The following UBE2L3 variants were observed in gnomAD, a reference collection of about 807,000 sequenced individuals.
UBE2L3 encodes the protein ubiquitin conjugating enzyme E2 L3.
UBE2L3 carries 1 observed loss-of-function variant against 17.8 expected under a neutral mutation model. The ratio of observed to expected loss-of-function variants is 0.06; its 90% CI spans 0.02 to 0.27. The LOEUF (loss-of-function observed/expected upper bound fraction) is 0.27, where lower values mean the gene tolerates loss of function less well. UBE2L3 is among the 10% of genes least tolerant of loss of function. UBE2L3 has a pLI of 1.00. For missense variants in UBE2L3, 40 were observed against 192.6 expected (o/e 0.21, Z 4.69); for synonymous variants, 44 against 68.5 (o/e 0.64, Z 1.76).
chr22:21,595,819 T>C (rs912848499), intron 2 of UBE2L3, among the ~76,000 whole-genome samples: 4 of 152,140 alleles, frequency 2.6e-5, no homozygotes, highest in African/African-American at 9.7e-5. Flanking sequence ...GCCCAGTGAA[T>C]GTGTTTACTC....
chr22:21,621,917 C>A lies in UBE2L3; in HGVS notation c.*248C>A. ...TAAAAATCACTGCTTCAATCTACTTCAAAAGAATGGTGTTTCTTTTCTTGT... is the reference window on the plus strand; with the variant it reads ...TAAAAATCACTGCTTCAATCTACTTAAAAAGAATGGTGTTTCTTTTCTTGT... On this transcript the variant is annotated 3_prime_UTR_variant, in exon 4 of 4. Transcript: ENST00000342192. The A allele has an allele frequency of 2.4e-6, 1 of 419,010 alleles. No individual in the cohort carries two copies. Among genetic ancestry groups the A allele is most frequent in the Non-Finnish European group, 4.2e-6 (1 of 238,142 alleles). 26.0% of individuals were successfully genotyped at this position (419,010 alleles called of 1,614,324 possible). A position where few individuals can be genotyped will look rare whatever the true frequency, so the allele number is the denominator to read the frequency against.
At chr22:21,588,898 G>A (rs1348821378) in intron 1 of UBE2L3, among the ~76,000 whole-genome samples, 2 of 151,840 alleles carry the variant, frequency 1.3e-5, no homozygotes, top group African/African-American at 4.8e-5. Flanking sequence ...TCCTGACCTC[G>A]TGATCTACCT....
intron 2 of UBE2L3, among the ~76,000 whole-genome samples, chr22:21,604,886 C>T (rs1929065660): frequency 6.6e-6 from 1 of 152,178 alleles, no homozygotes; most frequent in Non-Finnish European, 1.5e-5. Flanking sequence ...TGGCCAAGTT[C>T]CCTGGGTGGT....
At chr22:21,609,934 G>C (rs965503126) in intron 2 of UBE2L3, among the ~76,000 whole-genome samples, 4 of 152,192 alleles carry the variant, frequency 2.6e-5, no homozygotes, top group African/African-American at 9.7e-5. Flanking sequence ...GCTGAAGCAG[G>C]AGAATTGCTT....
chr22:21,560,012 G>A (rs1049409609), intron 1 of UBE2L3, among the ~76,000 whole-genome samples: 13 of 152,272 alleles, frequency 8.5e-5, no homozygotes, highest in Non-Finnish European at 1.6e-4. Context: ...CTCTCTGGCT[G>A]GGGCCCCCTG....
At chr22:21,557,424 A>G (rs900068938) in intron 1 of UBE2L3, among the ~76,000 whole-genome samples, 1 of 152,282 alleles carries the variant, frequency 6.6e-6, no homozygotes, top group African/African-American at 2.4e-5. Context: ...AATAATAAAT[A>G]AAAATAAATT....
intron 1 of UBE2L3, 78 bp from the exon 2 acceptor site, chr22:21,592,783 T>C: frequency 1.7e-6 from 2 of 1,175,970 alleles, no homozygotes; most frequent in Non-Finnish European, 2.5e-6. Context: ...CTTGGTTTAA[T>C]TTGAGGGCAT....
intron 1 of UBE2L3, among the ~76,000 whole-genome samples, chr22:21,556,772 T>G (rs1167676413): frequency 1.3e-5 from 2 of 152,120 alleles, no homozygotes; most frequent in Non-Finnish European, 1.5e-5. Context: ...AATAAAAAAA[T>G]TAATAGGCTG....
At chr22:21,568,152 C>G in intron 1 of UBE2L3, 2 of 1,020,440 alleles carry the variant, frequency 2.0e-6, no homozygotes, top group Non-Finnish European at 2.3e-6. Context: ...AGCGCCGGAG[C>G]CCCTGCCCGG....
In UBE2L3 at chr22:21,592,048, A is replaced by G. The variant is rs377422773; in HGVS notation, c.28-813A>G. ...GGTGCACAGTTGAAAAACAGGTGAC[A>G]GACAGTTCTGAAGACATCTCAGGCA... On this transcript the variant is annotated intron_variant, in intron 1 of 3. Coordinates refer to ENST00000342192, the MANE Select transcript of UBE2L3 (RefSeq NM_003347.4). Among the ~76,000 whole-genome samples, 11 of 152,294 alleles carry G rather than the reference A, an allele frequency of 7.2e-5. No homozygotes were observed. In the East Asian group the frequency reaches 1.9e-3, roughly 27 times the overall value.
At chr22:21,561,868 C>G (rs1926444281) in intron 1 of UBE2L3, among the ~76,000 whole-genome samples, 1 of 151,896 alleles carries the variant, frequency 6.6e-6, no homozygotes, top group Non-Finnish European at 1.5e-5. Context: ...ACCCAGCTTC[C>G]TAGCCCAGTG....
intron 1 of UBE2L3, among the ~76,000 whole-genome samples, chr22:21,571,611 A>G (rs1311685829): frequency 6.6e-6 from 1 of 152,132 alleles, no homozygotes; most frequent in African/African-American, 2.4e-5. Flanking sequence ...CATGTTTGCC[A>G]TGCTGGTCTC....
intron 3 of UBE2L3, among the ~76,000 whole-genome samples, chr22:21,621,150 AGAGT>A (rs1263834480): frequency 6.6e-6 from 1 of 152,096 alleles, no homozygotes; most frequent in African/African-American, 2.4e-5. Context: ...CCTAGGTGAC[AGAGT>A]GAGACCCTGT....
Position 21,623,035 on chromosome 22 carries a change from G to A in UBE2L3, c.*1366G>A, listed in dbSNP as rs1930123008. On this transcript the variant is annotated 3_prime_UTR_variant, in exon 4 of 4. Coordinates refer to ENST00000342192, the MANE Select transcript of UBE2L3 (RefSeq NM_003347.4). ...AATCCATGTCGCTCTGACACCCCAA[G>A]GAAGCCGACGATCCAAATGCCGTGT... 6.6e-6 allele frequency: 1 copy of A among 152,342 alleles called. No individual in the cohort carries two copies. The highest frequency in any genetic ancestry group is 1.9e-4 in the East Asian group (1 of 5,342). The allele number at this position is 152,342 out of a possible 1,614,324, so 9.4% of individuals were successfully genotyped here.
intron 1 of UBE2L3, among the ~76,000 whole-genome samples, chr22:21,557,772 T>A (rs453542): frequency 6.6e-6 from 1 of 152,140 alleles, no homozygotes; most frequent in East Asian, 1.9e-4. Context: ...CCACCCTCTT[T>A]GGCCTTCCAA....
chr22:21,562,147 T>C (rs1256577481), intron 1 of UBE2L3, among the ~76,000 whole-genome samples: 1 of 151,066 alleles, frequency 6.6e-6, no homozygotes, highest in Non-Finnish European at 1.5e-5. Flanking sequence ...CTCTTCAAGA[T>C]GCTGTGAGCT....
At chr22:21,601,344 C>T (rs1928848205) in intron 2 of UBE2L3, among the ~76,000 whole-genome samples, 1 of 151,672 alleles carries the variant, frequency 6.6e-6, no homozygotes, top group South Asian at 2.1e-4. Flanking sequence ...GACAGAGTCT[C>T]TCTCGTCCCC....
chr22:21,565,174 G>T (rs1473091949), upstream of UBE2L3, among the ~76,000 whole-genome samples: 3 of 151,860 alleles, frequency 2.0e-5, no homozygotes, highest in Non-Finnish European at 4.4e-5. Flanking sequence ...CTCACGGCAA[G>T]CTCCGCCTCC....
At chr22:21,604,225 C>T (rs1039629060) in intron 2 of UBE2L3, among the ~76,000 whole-genome samples, 12 of 152,250 alleles carry the variant, frequency 7.9e-5, no homozygotes, top group African/African-American at 2.6e-4. Context: ...ATCAGCTGGG[C>T]GTAGTGGCTC....
Sources: gnomAD v4.1 joint callset for allele counts (sites outside exome capture counted in the v4.1 genomes callset) on GRCh38, gnomAD v4.1.1 for gene constraint, MANE v1.5 for transcripts, NCBI Gene and HGNC (gene_info 2026-07-23, HGNC 2026-07-21) for gene names.